Variants in LIME1 observed in about 807,000 individuals in gnomAD.
LIME1 encodes lck-interacting transmembrane adapter 1.
A neutral mutation model predicts 18.8 loss-of-function variants in LIME1; 23 were observed. That is an observed-to-expected ratio of 1.22 (90% CI 0.88 to 1.73). LIME1 has a LOEUF of 1.73. Among genes scored for constraint, LIME1 ranks in the 40% most tolerant of loss-of-function variants. The pLI is 0.00. For synonymous variants in LIME1, 177 were observed against 182.3 expected (o/e 0.97, Z 0.23); for missense variants, 423 against 396.8 (o/e 1.07, Z -0.56).
At chr20:63,736,015 T>TG, upstream of LIME1, 1 of 1,513,976 alleles carries the variant, frequency 6.6e-7, no homozygotes, top group South Asian at 1.3e-5. Context: ...CCTGCTGGCC[T>TG]GGGGCGTGCA....
chr20:63,736,074 C>A (rs537024264), upstream of LIME1: 28 of 1,045,152 alleles, frequency 2.7e-5, no homozygotes, highest in South Asian at 3.3e-5. Context: ...TGGACACTTA[C>A]TTGCCCACCT....
upstream of LIME1, chr20:63,736,500 G>A (rs1017758493): frequency 1.8e-5 from 8 of 448,196 alleles, no homozygotes; most frequent in African/African-American, 4.3e-5. Flanking sequence ...AGAACAGTGC[G>A]GGCTAGAGGC....
rs1354608933 is a variant in LIME1, at chr20:63,737,615, C to T, written c.66C>T (p.Leu22=). ...TTCTAGGGTGCTGCGCCCTGCTCCT[C>T]TCGCTGTGGGCGCTGTGCACAGCCT... ...LWVLGCCALL[L]SLWALCTACR... Residue 22 remains leucine, a synonymous_variant, in exon 2 of 6, where the codon CTC becomes CTT. Coordinates refer to ENST00000309546, the MANE Select transcript of LIME1 (RefSeq NM_017806.4). 1.2e-6 allele frequency: 2 copies of T among 1,602,598 alleles called. No individual in the cohort carries two copies. The highest frequency in any genetic ancestry group is 1.7e-5 in the Admixed American group (1 of 59,004).
intron 3 of LIME1, 26 bp downstream of exon 3, chr20:63,737,928 C>T (rs1297520948): frequency 2.2e-5 from 35 of 1,577,428 alleles, no homozygotes; most frequent in African/African-American, 2.7e-5. Context: ...TCCCGGGGAC[C>T]AGGGTGGGGT....
chr20:63,737,799 G>A (rs1344428993), intron 2 of LIME1, 22 bp from the exon 3 acceptor site: 1 of 672,188 alleles, frequency 1.5e-6, no homozygotes, highest in African/African-American at 2.3e-5. Context: ...CCCGCCCCCC[G>A]CCCCCCACCT....
chr20:63,738,761 T>C lies in LIME1; in HGVS notation c.749T>C (p.Leu250Pro), dbSNP rs997231925. The C allele has an allele frequency of 5.6e-6, 9 of 1,612,826 alleles. No homozygotes were observed. In the Admixed American group the frequency reaches 1.0e-4, roughly 18 times the overall value. ...LRALDVDSGP[L>P]ENVYESIREL... ...GCCCTGGATGTGGACAGCGGCCCCCTGGAAAACGTGTATGAGAGCATCCGG... is the reference window on the plus strand; with the variant it reads ...GCCCTGGATGTGGACAGCGGCCCCCCGGAAAACGTGTATGAGAGCATCCGG... The change falls in exon 6 of 6, where the codon CTG (leucine) becomes CCG (proline). Residue 250 changes from leucine to proline, a missense_variant. By Grantham distance (98) the Leu-to-Pro change is moderately conservative. Transcript: ENST00000309546.
chr20:63,737,938 T>A, intron 3 of LIME1, 35 bp from the exon 4 acceptor site: 5 of 1,572,300 alleles, frequency 3.2e-6, no homozygotes, highest in Non-Finnish European at 4.3e-6. Context: ...CAGGGTGGGG[T>A]CCGCAGGGCA....
In LIME1 at chr20:63,738,081, G is replaced by GGGCGGGGGCGGC. The variant is rs1236904603; in HGVS notation, c.268+26_268+27insGGGCGGCGGCGG. The GGGCGGGGGCGGC allele has an allele frequency of 3.2e-5, 49 of 1,526,422 alleles. No individual in the cohort carries two copies. The African/African-American group carries it at 6.8e-4, about 21-fold the overall frequency. The allele number at this position is 1,526,422 out of a possible 1,614,324, so 94.6% of individuals were successfully genotyped here. ...CAGGGGTGAGCAGAGGGCGGGGCGG[G>GGGCGGGGGCGGC]GGCGGCCGGGCGGGGCTTACTGTGC... On this transcript the variant is annotated intron_variant, in intron 4 of 5. Coordinates refer to ENST00000309546, the MANE Select transcript of LIME1 (RefSeq NM_017806.4).
At chr20:63,735,736 T>G (rs1601355954), upstream of LIME1, 1 of 1,559,642 alleles carries the variant, frequency 6.4e-7, no homozygotes, top group Non-Finnish European at 8.7e-7. Context: ...CTGGGGTTGG[T>G]GGCATGGCCC....
intron 1 of LIME1, chr20:63,737,162 G>T (rs2091999935): frequency 7.9e-6 from 8 of 1,016,392 alleles, no homozygotes; most frequent in Non-Finnish European, 9.4e-6. Context: ...TGGGCAGAGG[G>T]TGGCTGCAGG....
rs559339736 is a variant in LIME1 at position 63,737,868 on chromosome 20, C to T, written c.146C>T (p.Ala49Val). The change falls in exon 3 of 6, where the codon GCG (alanine) becomes GTG (valine). Residue 49 changes from alanine (A) to valine (V), a missense_variant. Ala to Val is a moderately conservative substitution (Grantham distance 64). Transcript: ENST00000309546. Reference sequence around the variant, plus strand: ...AGGAAGAGGGCGCGGAGGCAGCGGGCGAGGCTGCAGGGCAGTGCGACGGCG... The same window carrying T: ...AGGAAGAGGGCGCGGAGGCAGCGGGTGAGGCTGCAGGGCAGTGCGACGGCG... ...APRKRARRQRARLQGSATAAE... is the reference protein window; with the variant it reads ...APRKRARRQRVRLQGSATAAE... 2.5e-6 allele frequency: 4 copies of T among 1,571,476 alleles called. No individual in the cohort carries two copies. The highest frequency in any genetic ancestry group is 2.6e-6 in the Non-Finnish European group (3 of 1,165,990).
chr20:63,739,066 C>T lies in LIME1; in HGVS notation c.*166C>T. On this transcript the variant is annotated 3_prime_UTR_variant, in exon 6 of 6. Transcript: ENST00000309546. ...CGGCCTCCCCGGGCTCCAGAGAAGG[C>T]CCGCGTCTAAATAAAGCGCCAGCGC... 1 of 602,554 alleles carries T rather than the reference C, an allele frequency of 1.7e-6. No individual in the cohort carries two copies. The highest frequency in any genetic ancestry group is 3.0e-5 in the East Asian group (1 of 33,440). 37.3% of individuals were successfully genotyped at this position (602,554 alleles called of 1,614,324 possible). A position where few individuals can be genotyped will look rare whatever the true frequency, so the allele number is the denominator to read the frequency against.
In LIME1 at chr20:63,737,821, G is replaced by A. The variant is rs1288702644; in HGVS notation, c.99G>A (p.Arg33=). The A allele has an allele frequency of 4.1e-6, 6 of 1,481,084 alleles. No individual in the cohort carries two copies. In the African/African-American group the frequency reaches 7.2e-5, roughly 18 times the overall value. 91.7% of individuals were successfully genotyped at this position (1,481,084 alleles called of 1,614,324 possible). Residue 33 remains arginine (R), a splice_region_variant and synonymous_variant, in exon 3 of 6, where the codon AGG becomes AGA. Coordinates refer to ENST00000309546, the MANE Select transcript of LIME1 (RefSeq NM_017806.4). The stretch of plus-strand genomic sequence containing the variant: ...CCCGCCCCCCACCTCTACCCCCAAG[G>A]CCCGAGGACGCTGTAGCCCCCAGGA... ...SLWALCTACR[R]PEDAVAPRKR...
intron 1 of LIME1, 104 bp downstream of exon 1, chr20:63,736,816 A>G (rs2091994790): frequency 5.1e-6 from 5 of 986,026 alleles, no homozygotes; most frequent in Non-Finnish European, 6.0e-6. Flanking sequence ...GTCTGAGCAG[A>G]CTGGCCCCAA....
chr20:63,735,800 C>A (rs773725976), upstream of LIME1: 4 of 1,609,222 alleles, frequency 2.5e-6, no homozygotes, highest in Non-Finnish European at 2.5e-6. Flanking sequence ...GGCGTCAGCC[C>A]AGCTGCAGGA....
Position 63,738,209 on chromosome 20 carries a change from C to T in LIME1, c.295C>T (p.Leu99=). ...CCTGCGGCCTGCCAGCATGGATCTC[C>T]TGCGCCCACACTGGCTGGAGGTGTC... ...RALRPASMDL[L]RPHWLEVSRD... The change falls in exon 5 of 6, where the codon CTG becomes TTG. Residue 99 remains leucine (L), a synonymous_variant. Coordinates refer to ENST00000309546, the MANE Select transcript of LIME1 (RefSeq NM_017806.4). The T allele has an allele frequency of 1.3e-6, 2 of 1,588,370 alleles. No homozygotes were observed. The highest frequency in any genetic ancestry group is 1.7e-6 in the Non-Finnish European group (2 of 1,172,592).
upstream of LIME1, chr20:63,736,216 C>T (rs1286999627): frequency 2.6e-6 from 1 of 384,802 alleles, no homozygotes; most frequent in Non-Finnish European, 4.7e-6. Flanking sequence ...GAGAGACGGG[C>T]TGGGCTGGAG....
Position 63,737,594 on chromosome 20 carries a change from A to G in LIME1, c.45A>G (p.Leu15=). The change falls in exon 2 of 6, where the codon CTA becomes CTG. Residue 15 remains leucine (L), a synonymous_variant. Transcript: ENST00000309546. ...GGGCCCCTCCTGCCCTCTGGGTTCT[A>G]GGGTGCTGCGCCCTGCTCCTCTCGC... ...VSWAPPALWV[L]GCCALLLSLW... The G allele has an allele frequency of 1.2e-6, 2 of 1,604,310 alleles. No individual in the cohort carries two copies. The highest frequency in any genetic ancestry group is 1.7e-6 in the Non-Finnish European group (2 of 1,176,832).
At chr20:63,736,213 G>C (rs74567640), upstream of LIME1, 858 of 385,304 alleles carry the variant, frequency 2.2e-3, 8 homozygotes, top group African/African-American at 0.017. Context: ...GGTGAGAGAC[G>C]GGCTGGGCTG....
Sources: gnomAD v4.1 joint callset for allele counts on GRCh38, gnomAD v4.1.1 for gene constraint, MANE v1.5 for transcripts, NCBI Gene and HGNC (gene_info 2026-07-23, HGNC 2026-07-21) for gene names.